The following CSMD1 variants were observed in gnomAD, a reference collection of about 807,000 sequenced individuals.
CSMD1 encodes the protein CUB and Sushi multiple domains 1, also known as CUB and sushi domain-containing protein 1.
A neutral mutation model predicts 417.5 loss-of-function variants in CSMD1; 213 were observed. The observed-to-expected ratio is 0.51, with a 90% confidence interval of 0.46 to 0.57. The LOEUF (loss-of-function observed/expected upper bound fraction) is 0.57, where lower values mean the gene tolerates loss of function less well. Among genes scored for constraint, CSMD1 ranks in the 20% least tolerant of loss-of-function variants. The pLI is 0.00. For missense variants in CSMD1, 6,923 were observed against 4,529.7 expected (o/e 1.53, Z -15.17); for synonymous variants, 2,862 against 1,736.8 (o/e 1.65, Z -16.11).
intron 1 of CSMD1, among the ~76,000 whole-genome samples, chr8:4,695,523 T>A (rs1335211846): frequency 1.3e-5 from 2 of 152,196 alleles, no homozygotes; most frequent in African/African-American, 2.4e-5. Flanking sequence ...CGATTTCATT[T>A]TTTACAGCAG....
intron 5 of CSMD1, among the ~76,000 whole-genome samples, chr8:3,912,248 G>T (rs1344457047): frequency 6.6e-6 from 1 of 151,968 alleles, no homozygotes; most frequent in Admixed American, 6.5e-5. Flanking sequence ...GAACTTACTG[G>T]GAAATATCAC....
intron 3 of CSMD1, among the ~76,000 whole-genome samples, chr8:4,209,221 A>T (rs1176636119): frequency 6.6e-6 from 1 of 151,808 alleles, no homozygotes; most frequent in Non-Finnish European, 1.5e-5. Context: ...CACTTTTAAA[A>T]AGACACTTGC....
chr8:4,111,467 C>A (rs573171695), intron 3 of CSMD1, among the ~76,000 whole-genome samples: 1 of 152,098 alleles, frequency 6.6e-6, no homozygotes, highest in Non-Finnish European at 1.5e-5. Context: ...AGCACATGCA[C>A]GAGTATGTTC....
intron 5 of CSMD1, among the ~76,000 whole-genome samples, chr8:3,931,699 G>C (rs1301812293): frequency 6.7e-6 from 1 of 149,234 alleles, no homozygotes; most frequent in African/African-American, 2.5e-5. Flanking sequence ...AAGGACTATA[G>C]TTTAGAAGAA....
intron 1 of CSMD1, among the ~76,000 whole-genome samples, chr8:4,933,135 GTA>G (rs1202669091): frequency 2.0e-5 from 3 of 152,056 alleles, no homozygotes; most frequent in African/African-American, 7.2e-5. Context: ...TCTCTATCTG[GTA>G]TATGTTTTTC....
intron 1 of CSMD1, 128 bp from the exon 2 acceptor site, chr8:4,637,686 C>T (rs1313304879): frequency 4.8e-5 from 22 of 457,864 alleles, no homozygotes; most frequent in African/African-American, 3.7e-4. Flanking sequence ...TTTTTTGAGA[C>T]GGAGTCTCGC....
intron 17 of CSMD1, among the ~76,000 whole-genome samples, chr8:3,390,674 G>C (rs928360124): frequency 9.3e-5 from 14 of 150,856 alleles, no homozygotes; most frequent in East Asian, 1.9e-4. Flanking sequence ...TTTTCAATTG[G>C]TCTTTGCAAA....
chr8:3,496,646 T>G (rs1038248246), intron 10 of CSMD1, among the ~76,000 whole-genome samples: 1 of 151,852 alleles, frequency 6.6e-6, no homozygotes, highest in African/African-American at 2.4e-5. Context: ...GCAAACAGAG[T>G]GAAACCCTGT....
intron 6 of CSMD1, among the ~76,000 whole-genome samples, chr8:3,746,653 CTCT>C (rs369015849): frequency 4.2e-4 from 64 of 152,202 alleles, no homozygotes; most frequent in African/African-American, 1.3e-3. Context: ...TAAATTTATT[CTCT>C]TGTTTCAACA....
chr8:3,409,181 G>C (rs982779734), intron 13 of CSMD1, among the ~76,000 whole-genome samples: 3 of 152,176 alleles, frequency 2.0e-5, no homozygotes, highest in African/African-American at 4.8e-5. Flanking sequence ...CTTTCTGGTA[G>C]GAAACGTTCA....
intron 6 of CSMD1, among the ~76,000 whole-genome samples, chr8:3,747,120 A>G (rs1392822169): frequency 6.6e-6 from 1 of 152,244 alleles, no homozygotes; most frequent in Non-Finnish European, 1.5e-5. Flanking sequence ...ACACAGTTGT[A>G]AAGACTGACA....
At chr8:3,469,008 G>T (rs1168296175) in intron 11 of CSMD1, 184 bp from the exon 12 acceptor site, 1 of 449,156 alleles carries the variant, frequency 2.2e-6, no homozygotes, top group Non-Finnish European at 3.9e-6. Context: ...TATCACTGGT[G>T]CTTTACAGAA....
At chr8:3,881,316 A>G (rs1806188323) in intron 5 of CSMD1, among the ~76,000 whole-genome samples, 1 of 151,470 alleles carries the variant, frequency 6.6e-6, no homozygotes, top group Non-Finnish European at 1.5e-5. Flanking sequence ...ATTGAAGCAA[A>G]GAAGACTGAA....
intron 3 of CSMD1, among the ~76,000 whole-genome samples, chr8:4,179,227 GA>G (rs1798220986): frequency 6.6e-6 from 1 of 152,156 alleles, no homozygotes; most frequent in African/African-American, 2.4e-5. Context: ...TACCAAAACA[GA>G]GATATAAATC....
chr8:2,946,256 T>C (rs769149941), intron 68 of CSMD1, among the ~76,000 whole-genome samples: 10 of 152,218 alleles, frequency 6.6e-5, no homozygotes, highest in Non-Finnish European at 1.0e-4. Context: ...ATATAATTCA[T>C]CCACTTAAGC....
intron 3 of CSMD1, among the ~76,000 whole-genome samples, chr8:4,037,764 G>A (rs372627903): frequency 9.9e-5 from 15 of 152,022 alleles, no homozygotes; most frequent in Admixed American, 2.6e-4. Context: ...GCAAACAGCC[G>A]TTAATAGTTC....
chr8:3,313,702 G>C (rs1805535418), intron 23 of CSMD1, among the ~76,000 whole-genome samples: 1 of 152,216 alleles, frequency 6.6e-6, no homozygotes, highest in Non-Finnish European at 1.5e-5. Context: ...CATTGTGGAA[G>C]TCAGTGTGGC....
At chr8:4,736,300 A>G (rs1680701877) in intron 1 of CSMD1, among the ~76,000 whole-genome samples, 1 of 152,192 alleles carries the variant, frequency 6.6e-6, no homozygotes, top group Admixed American at 6.5e-5. Context: ...TTGTGTATCC[A>G]GGAAAATTTA....
intron 51 of CSMD1, among the ~76,000 whole-genome samples, chr8:3,027,190 A>G (rs1220860546): frequency 2.6e-5 from 4 of 151,934 alleles, no homozygotes; most frequent in African/African-American, 9.6e-5. Context: ...TTTTGGGGGG[A>G]AAAAAAAGAC....
Sources: allele counts gnomAD v4.1 joint callset (sites outside exome capture counted in the v4.1 genomes callset), GRCh38; gene constraint gnomAD v4.1.1; transcripts MANE v1.5; gene names NCBI Gene and HGNC (gene_info 2026-07-23, HGNC 2026-07-21).